Variants in KANSL3 observed in about 807,000 individuals in gnomAD.
The protein encoded by KANSL3 is NSL complex protein NSL3.
KANSL3 carries 16 observed loss-of-function variants against 89.2 expected under a neutral mutation model. The ratio of observed to expected loss-of-function variants is 0.18; its 90% CI spans 0.12 to 0.27. The LOEUF (loss-of-function observed/expected upper bound fraction) is 0.27. Ranked by LOEUF, KANSL3 falls within the 10% of genes least tolerant of loss-of-function variation. The pLI is 1.00. For synonymous variants in KANSL3, 385 were observed against 419.7 expected, an observed-to-expected ratio of 0.92 and a Z score of 1.01; for missense variants, 879 against 1,110.6, an observed-to-expected ratio of 0.79 and a Z score of 2.96.
rs756598033 is a variant in KANSL3 at position 96,605,325 on chromosome 2, G to A, written c.1928C>T (p.Pro643Leu). ...GPCAPSQGSA[P>L]EAAGGKPITM... is the part of the protein sequence containing the mutation. ...ACGTACCAAGAGAAACTCACCTTCTGGAGCACTTCCTTGGGAAGGAGCACA... is the reference window on the plus strand; with the variant it reads ...ACGTACCAAGAGAAACTCACCTTCTAGAGCACTTCCTTGGGAAGGAGCACA... The change falls in exon 15 of 21, where the codon CCA (proline) becomes CTA (leucine). Residue 643 changes from proline (P) to leucine (L), a missense_variant. Coordinates refer to ENST00000431828, the MANE Select transcript of KANSL3 (RefSeq NM_001115016.3). The A allele has an allele frequency of 4.5e-5, 73 of 1,608,272 alleles. No individual in the cohort carries two copies. The highest frequency in any genetic ancestry group is 6.2e-5 in the Non-Finnish European group (73 of 1,176,504).
At chr2:96,604,670 C>G (rs1260088891) in intron 16 of KANSL3, 109 bp downstream of exon 16, 2 of 1,058,546 alleles carry the variant, frequency 1.9e-6, no homozygotes, top group Non-Finnish European at 2.8e-6. Context: ...AGTCACATTT[C>G]CAAAACTGAC....
intron 14 of KANSL3, 112 bp from the exon 15 acceptor site, chr2:96,605,623 A>G: frequency 1.1e-6 from 1 of 891,144 alleles, no homozygotes; most frequent in Admixed American, 2.1e-5. Context: ...ACACAGGATA[A>G]CCACTCTACG....
chr2:96,618,038 AG>A (rs1258859290), intron 5 of KANSL3, among the ~76,000 whole-genome samples: 12 of 151,226 alleles, frequency 7.9e-5, no homozygotes, highest in Non-Finnish European at 1.8e-4. Context: ...ACACACCTCT[AG>A]TCCCAGTACT....
rs762579025 is a variant in KANSL3, at chr2:96,604,263, G to A, written c.2136C>T (p.Gly712=). ...LQSRLVATSP[G]SSLPGATSAS... is the part of the protein sequence containing the mutation. ...GCCACAAGATACCTGGGAGGGAGCTGCCAGGAGATGTGGCCACCAGGCGGC... is the reference window on the plus strand; with the variant it reads ...GCCACAAGATACCTGGGAGGGAGCTACCAGGAGATGTGGCCACCAGGCGGC... Residue 712 remains glycine (G), a synonymous_variant, in exon 17 of 21, where the codon GGC becomes GGT. Transcript: ENST00000431828. 2 of 1,608,332 alleles carry A rather than the reference G, an allele frequency of 1.2e-6. No homozygotes were observed. Among genetic ancestry groups the A allele is most frequent in the East Asian group, 2.2e-5 (1 of 44,560 alleles).
chr2:96,630,365 C>T (rs556467468), intron 3 of KANSL3, among the ~76,000 whole-genome samples: 1 of 152,184 alleles, frequency 6.6e-6, no homozygotes, highest in Non-Finnish European at 1.5e-5. Flanking sequence ...TGCTGATACA[C>T]GCAACCACAT....
chr2:96,583,433 TAC>T, the KANSL3 span, among the ~76,000 whole-genome samples: 6 of 152,218 alleles, frequency 3.9e-5, no homozygotes, highest in African/African-American at 1.2e-4. Flanking sequence ...CCTTTCTGGT[TAC>T]AGTCTCTCTC....
intron 3 of KANSL3, among the ~76,000 whole-genome samples, chr2:96,629,129 T>C (rs747765195): frequency 6.6e-6 from 1 of 152,206 alleles, no homozygotes; most frequent in Non-Finnish European, 1.5e-5. Context: ...GAAGAGACAT[T>C]GATACAATGT....
At chr2:96,590,566 G>C (rs931872268), downstream of KANSL3, among the ~76,000 whole-genome samples, 2 of 151,986 alleles carry the variant, frequency 1.3e-5, no homozygotes, top group African/African-American at 4.8e-5. Flanking sequence ...TGGGATTACA[G>C]GTGTGAGCCA....
At chr2:96,628,065 G>T (rs1558768701) in intron 3 of KANSL3, 1 of 1,290,330 alleles carries the variant, frequency 7.7e-7, no homozygotes, top group African/African-American at 1.5e-5. Context: ...ATAACAGAAG[G>T]GTGGTGGTCC....
Position 96,602,819 on chromosome 2 carries a change from G to C in KANSL3, c.2193C>G (p.Ser731Arg). The stretch of plus-strand genomic sequence containing the variant: ...AGGTCTTGCTGCTGATATCCTGCAA[G>C]CTGAAGCTGAGGCCTTGGAGGAGGC... ...ASSLLQGLSF[S>R]LQDISSKTSG... The change falls in exon 18 of 21, where the codon AGC (serine) becomes AGG (arginine). Residue 731 changes from serine to arginine, a missense_variant. Around this residue, in one of 6 missense-constraint regions of KANSL3, gnomAD observed 89 missense variants for 139.7 expected, o/e 0.64. Transcript: ENST00000431828. 6.2e-7 allele frequency: 1 copy of C among 1,613,560 alleles called. No homozygotes were observed. Among genetic ancestry groups the C allele is most frequent in the East Asian group, 2.2e-5 (1 of 44,876 alleles).
chr2:96,591,849 C>CAGT (rs149965106), downstream of KANSL3, among the ~76,000 whole-genome samples: 15,406 of 152,164 alleles, frequency 0.1, 1,725 homozygotes, highest in African/African-American at 0.28. Flanking sequence ...CACTTGAGGT[C>CAGT]ACGAGGCAAG....
chr2:96,595,755 A>G, intron 20 of KANSL3, 124 bp from the exon 21 acceptor site: 1 of 1,127,922 alleles, frequency 8.9e-7, no homozygotes, highest in Non-Finnish European at 1.3e-6. Flanking sequence ...CTCAATAGGA[A>G]AGAAGTTGGA....
chr2:96,615,184 A>AAAAAAAAAAAAAAAAAAAAAAC (rs2069806433), intron 5 of KANSL3: 1 of 151,650 alleles, frequency 6.6e-6, no homozygotes, highest in African/African-American at 2.4e-5. Flanking sequence ...AAAAAAAAAA[A>AAAAAAAAAAAAAAAAAAAAAAC]AAAAGACAAA....
chr2:96,615,516 C>T, intron 5 of KANSL3: 4 of 1,287,564 alleles, frequency 3.1e-6, no homozygotes, highest in Non-Finnish European at 3.0e-6. Flanking sequence ...TCTGCGAATT[C>T]CATGCTACCC....
At chr2:96,610,469 C>A in intron 11 of KANSL3, 1 of 290,508 alleles carries the variant, frequency 3.4e-6, no homozygotes, top group Non-Finnish European at 6.7e-6. Context: ...GCGCCCGACA[C>A]CAGGCCTGGC....
Position 96,601,775 on chromosome 2 carries a change from G to A in KANSL3, c.2484C>T (p.Gly828=), listed in dbSNP as rs1303371342. 1.9e-6 allele frequency: 3 copies of A among 1,560,988 alleles called. No homozygotes were observed. Among genetic ancestry groups the A allele is most frequent in the East Asian group, 2.3e-5 (1 of 44,042 alleles). ...GAGTAATGGTGGTGGGGACCTTCAAGCCTGAGATAAAGAGAGAGAAGCAGA... is the reference window on the plus strand; with the variant it reads ...GAGTAATGGTGGTGGGGACCTTCAAACCTGAGATAAAGAGAGAGAAGCAGA... ...GLAQISNQAS[G]LKVPTTITLT... The change falls in exon 20 of 21, where the codon GGC becomes GGT. Residue 828 remains glycine, a splice_region_variant and synonymous_variant. Coordinates refer to ENST00000431828, the MANE Select transcript of KANSL3 (RefSeq NM_001115016.3).
At chr2:96,608,118 TCAAA>T (rs1385077036) in intron 14 of KANSL3, among the ~76,000 whole-genome samples, 4 of 152,126 alleles carry the variant, frequency 2.6e-5, no homozygotes, top group East Asian at 1.9e-4. Context: ...GCTTCAAGGG[TCAAA>T]CAAAGAAAGG....
Position 96,608,555 on chromosome 2 carries a change from C to T in KANSL3, c.1694G>A (p.Arg565Lys), listed in dbSNP as rs753001653. 6.2e-7 allele frequency: 1 copy of T among 1,614,052 alleles called. No homozygotes were observed. Among genetic ancestry groups the T allele is most frequent in the Admixed American group, 1.7e-5 (1 of 60,028 alleles). The part of the protein sequence containing the change: ...SQIGSSQLLK[R>K]HVQRTEAVLT... ...CACAGCTTCTGTCCGCTGCACATGT[C>T]TCTTCAGCAGCTGAGAACTTCCAAT... The change falls in exon 14 of 21, where the codon AGA (arginine) becomes AAA (lysine). Residue 565 changes from arginine to lysine, a missense_variant. This residue lies in a region of KANSL3 where 317 missense variants were observed against 311.2 expected (regional missense o/e 1.02). Transcript: ENST00000431828.
intron 3 of KANSL3, among the ~76,000 whole-genome samples, chr2:96,620,765 G>C (rs1009532909): frequency 3.9e-5 from 6 of 152,170 alleles, no homozygotes; most frequent in African/African-American, 1.2e-4. Flanking sequence ...CACTTTGGGA[G>C]GCCAAGTGGA....
Sources: allele counts gnomAD v4.1 joint callset (sites outside exome capture counted in the v4.1 genomes callset), GRCh38; gene constraint gnomAD v4.1.1; regional missense constraint gnomAD v4.1.1; transcripts MANE v1.5; gene names NCBI Gene and HGNC (gene_info 2026-07-23, HGNC 2026-07-21).